The following WASF1 variants were observed in gnomAD, a reference collection of about 807,000 sequenced individuals.
WASF1 encodes the protein actin-binding protein WASF1.
In WASF1, 7 loss-of-function variants were observed where a neutral mutation model predicts 50.5. The observed-to-expected ratio is 0.14, with a 90% CI of 0.08 to 0.26. WASF1 has a LOEUF of 0.26. Ranked by LOEUF, WASF1 falls within the 10% of genes least tolerant of loss-of-function variation. The probability of loss-of-function intolerance (pLI) is 1.00; values close to 1 mark genes in which losing one functional copy is unlikely to be tolerated. For synonymous variants in WASF1, 205 were observed against 244.0 expected (o/e 0.84, Z 1.49); for missense variants, 470 against 694.7 (o/e 0.68, Z 3.64).
At chr6:110,161,426 C>A (rs987016718) in intron 2 of WASF1, among the ~76,000 whole-genome samples, 2 of 151,558 alleles carry the variant, frequency 1.3e-5, no homozygotes, top group African/African-American at 4.8e-5. Context: ...CTTTCTTCCA[C>A]ATATTGATCC....
At chr6:110,149,019 C>T (rs551740285) in intron 3 of WASF1, among the ~76,000 whole-genome samples, 1 of 152,250 alleles carries the variant, frequency 6.6e-6, no homozygotes, top group South Asian at 2.1e-4. Context: ...GACTCCCTAT[C>T]CACAAAGTCT....
intron 2 of WASF1, among the ~76,000 whole-genome samples, chr6:110,161,212 T>C (rs1776249440): frequency 6.6e-6 from 1 of 151,642 alleles, no homozygotes; most frequent in Non-Finnish European, 1.5e-5. Context: ...TATAGTCTTT[T>C]ACTCACGATG....
intron 4 of WASF1, 57 bp downstream of exon 4, chr6:110,127,412 T>C (rs1404985114): frequency 1.8e-5 from 26 of 1,420,618 alleles, no homozygotes; most frequent in Non-Finnish European, 2.4e-5. Context: ...AACTTCTTAA[T>C]ACGCTAAAGC....
intron 3 of WASF1, among the ~76,000 whole-genome samples, chr6:110,143,083 A>G (rs902045732): frequency 6.6e-6 from 1 of 151,952 alleles, no homozygotes; most frequent in African/African-American, 2.4e-5. Context: ...AAACTAAAGA[A>G]TATATCCCCT....
At chr6:110,178,513 C>T (rs1777033003) in intron 2 of WASF1, 85 bp downstream of exon 2, 2 of 152,504 alleles carry the variant, frequency 1.3e-5, no homozygotes, top group African/African-American at 2.4e-5. Context: ...GTGAATCTAA[C>T]ACCAAAGAAA....
chr6:110,177,135 TC>T (rs1241131182), intron 2 of WASF1: 1 of 152,040 alleles, frequency 6.6e-6, no homozygotes, highest in African/African-American at 2.4e-5. Flanking sequence ...ATAAAGTAAC[TC>T]TATAGCATAC....
intron 2 of WASF1, among the ~76,000 whole-genome samples, chr6:110,172,916 A>T (rs1182648112): frequency 6.6e-6 from 1 of 152,136 alleles, no homozygotes; most frequent in African/African-American, 2.4e-5. Flanking sequence ...CTCTAAATCT[A>T]TAAAAATAAT....
chr6:110,164,531 G>C (rs1028823503), intron 2 of WASF1, among the ~76,000 whole-genome samples: 1 of 151,628 alleles, frequency 6.6e-6, no homozygotes. Flanking sequence ...ATGCCTATTA[G>C]AATGGCCAAA....
intron 5 of WASF1, among the ~76,000 whole-genome samples, chr6:110,109,112 G>A (rs1773447462): frequency 6.6e-6 from 1 of 152,054 alleles, no homozygotes. Flanking sequence ...GGCACTGTGG[G>A]CTAAACACGC....
At chr6:110,106,265 A>C (rs1319944789) in intron 7 of WASF1, among the ~76,000 whole-genome samples, 2 of 152,200 alleles carry the variant, frequency 1.3e-5, no homozygotes, top group African/African-American at 4.8e-5. Flanking sequence ...CTAGTTCCAA[A>C]ATTTAAAAAC....
chr6:110,131,403 A>G (rs1774662615), intron 3 of WASF1, among the ~76,000 whole-genome samples: 1 of 152,186 alleles, frequency 6.6e-6, no homozygotes, highest in East Asian at 1.9e-4. Context: ...CTATTGCTCT[A>G]TGGTGGCACT....
intron 3 of WASF1, among the ~76,000 whole-genome samples, chr6:110,131,942 T>G (rs1774692220): frequency 1.3e-5 from 2 of 152,228 alleles, no homozygotes; most frequent in South Asian, 4.1e-4. Context: ...TACACCCACC[T>G]CTACCTGTTG....
At chr6:110,141,398 AAT>A (rs1226818457) in intron 3 of WASF1, among the ~76,000 whole-genome samples, 2 of 152,018 alleles carry the variant, frequency 1.3e-5, no homozygotes, top group Non-Finnish European at 2.9e-5. Context: ...CCTCAGAGAG[AAT>A]ATATAATTGT....
chr6:110,140,374 G>T (rs1482357975), intron 3 of WASF1, among the ~76,000 whole-genome samples: 1 of 152,120 alleles, frequency 6.6e-6, no homozygotes, highest in South Asian at 2.1e-4. Context: ...TAATAAATTG[G>T]TAAGTATAAG....
At chr6:110,133,978 A>G (rs1774822212) in intron 3 of WASF1, among the ~76,000 whole-genome samples, 1 of 152,080 alleles carries the variant, frequency 6.6e-6, no homozygotes, top group African/African-American at 2.4e-5. Context: ...ATCTTCTAGA[A>G]TTTTGTCTTG....
At chr6:110,150,811 A>C (rs914766911) in intron 3 of WASF1, among the ~76,000 whole-genome samples, 1 of 152,010 alleles carries the variant, frequency 6.6e-6, no homozygotes, top group Non-Finnish European at 1.5e-5. Context: ...TGAGGCGGGC[A>C]GATCACCTTA....
intron 4 of WASF1, among the ~76,000 whole-genome samples, chr6:110,114,579 A>G (rs1490930910): frequency 1.3e-5 from 2 of 152,216 alleles, no homozygotes; most frequent in Non-Finnish European, 2.9e-5. Context: ...ACATGATTTG[A>G]GAAAAAGTGA....
At chr6:110,121,135 T>A (rs559839651) in intron 4 of WASF1, among the ~76,000 whole-genome samples, 48 of 152,170 alleles carry the variant, frequency 3.2e-4, no homozygotes, top group Admixed American at 1.5e-3. Flanking sequence ...GGGCAAACAC[T>A]TCATGACTAA....
chr6:110,100,727 C>A, intron 10 of WASF1, 48 bp from the exon 11 acceptor site: 1 of 1,459,792 alleles, frequency 6.9e-7, no homozygotes, highest in Non-Finnish European at 9.1e-7. Context: ...ATACTAGATA[C>A]TAGATATTAT....
Sources: allele counts gnomAD v4.1 joint callset (sites outside exome capture counted in the v4.1 genomes callset), GRCh38; gene constraint gnomAD v4.1.1; transcripts MANE v1.5; gene names NCBI Gene and HGNC (gene_info 2026-07-23, HGNC 2026-07-21).